Variants in STK3 observed in about 807,000 individuals in gnomAD.
The protein encoded by STK3 is serine/threonine kinase 3.
STK3 carries 41 observed loss-of-function variants against 58.0 expected under a neutral mutation model. The ratio of observed to expected loss-of-function variants is 0.71; its 90% CI spans 0.55 to 0.92. The LOEUF (loss-of-function observed/expected upper bound fraction) is 0.92. STK3 is among the 40% of genes least tolerant of loss of function. The pLI is 0.00. For missense variants in STK3, 479 were observed against 602.7 expected (o/e 0.79, Z 2.15); for synonymous variants, 170 against 191.0 (o/e 0.89, Z 0.91).
intron 3 of STK3, among the ~76,000 whole-genome samples, chr8:98,864,163 A>G (rs1291616137): frequency 7.3e-6 from 1 of 136,892 alleles, no homozygotes; most frequent in Non-Finnish European, 1.5e-5. Flanking sequence ...GCACCACTGC[A>G]CTCCAGCCTG....
intron 1 of STK3, among the ~76,000 whole-genome samples, chr8:98,887,824 T>C (rs572167700): frequency 2.6e-4 from 39 of 152,326 alleles, no homozygotes; most frequent in African/African-American, 8.4e-4. Context: ...AGACCTGTTA[T>C]GTAGGCCTGG....
chr8:98,756,908 T>C (rs925645330), intron 3 of STK3, among the ~76,000 whole-genome samples: 2 of 152,192 alleles, frequency 1.3e-5, no homozygotes, highest in African/African-American at 2.4e-5. Flanking sequence ...GAGAAAGCCC[T>C]ATGCCCCAGA....
intron 1 of STK3, among the ~76,000 whole-genome samples, chr8:98,910,505 A>G (rs1200300298): frequency 6.6e-6 from 1 of 152,202 alleles, no homozygotes; most frequent in Admixed American, 6.5e-5. Context: ...TTGAGAAGGA[A>G]ACTTCTATAG....
chr8:98,392,818 A>G (rs147765822), upstream of STK3, among the ~76,000 whole-genome samples: 14 of 152,294 alleles, frequency 9.2e-5, no homozygotes, highest in African/African-American at 2.4e-4. Flanking sequence ...GTACCTCTTC[A>G]TGGGTTGGCA....
At chr8:98,561,612 C>T (rs1427922022) in intron 8 of STK3, among the ~76,000 whole-genome samples, 1 of 152,066 alleles carries the variant, frequency 6.6e-6, no homozygotes, top group Admixed American at 6.6e-5. Flanking sequence ...GAGCTATGAT[C>T]ATCCACTGCA....
chr8:98,584,245 C>A (rs1330287198), intron 7 of STK3, among the ~76,000 whole-genome samples: 1 of 151,824 alleles, frequency 6.6e-6, no homozygotes, highest in African/African-American at 2.4e-5. Flanking sequence ...CTATCCCTCC[C>A]CCTTCCCCCC....
intron 6 of STK3, among the ~76,000 whole-genome samples, chr8:98,626,044 C>T (rs1233044432): frequency 1.3e-5 from 2 of 152,132 alleles, no homozygotes; most frequent in Non-Finnish European, 2.9e-5. Flanking sequence ...TCACCCTGCC[C>T]CCCAGATGCT....
chr8:98,792,896 A>ATGTG (rs34465301), intron 1 of STK3, among the ~76,000 whole-genome samples: 8,921 of 145,664 alleles, frequency 0.061, 286 homozygotes, highest in East Asian at 0.12. Flanking sequence ...AAGAGACTGT[A>ATGTG]TGTGTGTGTG....
At chr8:98,468,230 C>T (rs996097055) in intron 10 of STK3, among the ~76,000 whole-genome samples, 7 of 152,086 alleles carry the variant, frequency 4.6e-5, no homozygotes, top group African/African-American at 1.2e-4. Flanking sequence ...AAAATAAATT[C>T]GATCATAGTT....
chr8:98,918,147 G>A (rs1193139236), intron 1 of STK3, among the ~76,000 whole-genome samples: 2 of 152,144 alleles, frequency 1.3e-5, no homozygotes, highest in African/African-American at 4.8e-5. Context: ...TTTCTGTGAA[G>A]ACTAAAATGT....
intron 1 of STK3, among the ~76,000 whole-genome samples, chr8:98,896,201 A>T (rs1220254833): frequency 6.6e-6 from 1 of 152,168 alleles, no homozygotes; most frequent in Non-Finnish European, 1.5e-5. Flanking sequence ...CACCCCTCTC[A>T]GATCCAATCT....
intron 8 of STK3, among the ~76,000 whole-genome samples, chr8:98,553,151 T>C (rs1563733008): frequency 1.3e-5 from 2 of 152,102 alleles, no homozygotes; most frequent in Non-Finnish European, 2.9e-5. Flanking sequence ...ATATTTAACA[T>C]ACAACAGATA....
intron 6 of STK3, among the ~76,000 whole-genome samples, chr8:98,635,615 T>C (rs530012291): frequency 2.6e-4 from 40 of 152,304 alleles, no homozygotes; most frequent in Admixed American, 1.3e-3. Flanking sequence ...AGGAAATATT[T>C]CTAATTTTAC....
chr8:98,565,475 A>C (rs894198477), intron 8 of STK3, among the ~76,000 whole-genome samples: 2 of 152,158 alleles, frequency 1.3e-5, no homozygotes, highest in Non-Finnish European at 2.9e-5. Flanking sequence ...CCATTACTTC[A>C]CCAAAAACTT....
chr8:98,502,469 T>C (rs1189940060), intron 10 of STK3, among the ~76,000 whole-genome samples: 1 of 152,208 alleles, frequency 6.6e-6, no homozygotes, highest in African/African-American at 2.4e-5. Context: ...AGAGAGGGCA[T>C]CCCTGTCTTG....
chr8:98,852,313 T>C (rs1435631708), intron 3 of STK3, among the ~76,000 whole-genome samples: 1 of 152,096 alleles, frequency 6.6e-6, no homozygotes, highest in African/African-American at 2.4e-5. Flanking sequence ...TTTGCATTTT[T>C]AGTAGAGGTG....
chr8:98,353,988 A>C, the STK3 span, among the ~76,000 whole-genome samples: 2,836 of 152,266 alleles, frequency 0.019, 96 homozygotes, highest in African/African-American at 0.063. Context: ...AGAGCTGTGG[A>C]GCAATAGCTT....
intron 6 of STK3, among the ~76,000 whole-genome samples, chr8:98,655,777 C>G (rs1227607699): frequency 3.9e-5 from 6 of 152,150 alleles, no homozygotes; most frequent in African/African-American, 1.4e-4. Flanking sequence ...AAATCAAAAC[C>G]ACAATGAGAC....
intron 1 of STK3, among the ~76,000 whole-genome samples, chr8:98,812,162 T>C (rs1564024903): frequency 6.6e-6 from 1 of 152,308 alleles, no homozygotes; most frequent in Non-Finnish European, 1.5e-5. Flanking sequence ...CAACATTTTA[T>C]AAATATTTAG....
Sources: allele counts gnomAD v4.1 joint callset (sites outside exome capture counted in the v4.1 genomes callset), GRCh38; gene constraint gnomAD v4.1.1; transcripts MANE v1.5; gene names NCBI Gene and HGNC (gene_info 2026-07-23, HGNC 2026-07-21).